Variants in SLC35D1 observed in about 807,000 individuals in gnomAD.
SLC35D1 encodes the protein solute carrier family 35 member D1, also known as nucleotide sugar transporter SLC35D1.
In SLC35D1, 31 loss-of-function variants were observed where a neutral mutation model predicts 46.7. The ratio of observed to expected loss-of-function variants is 0.66; its 90% confidence interval spans 0.50 to 0.90. The LOEUF (loss-of-function observed/expected upper bound fraction) is 0.90, where lower values mean the gene tolerates loss of function less well. Among genes scored for constraint, SLC35D1 ranks in the 40% least tolerant of loss-of-function variants. SLC35D1 has a pLI of 0.00. For missense variants in SLC35D1, 397 were observed against 426.2 expected, an observed-to-expected ratio of 0.93 and a Z score of 0.60; for synonymous variants, 195 against 164.6, an observed-to-expected ratio of 1.18 and a Z score of -1.41.
At chr1:67,027,082 C>G (rs185394299) in intron 8 of SLC35D1, among the ~76,000 whole-genome samples, 2 of 152,322 alleles carry the variant, frequency 1.3e-5, no homozygotes, top group East Asian at 3.9e-4. Context: ...TAGAGTTATT[C>G]ATACATTACC....
the SLC35D1 span, chr1:66,976,611 T>C: frequency 1.3e-6 from 2 of 1,597,784 alleles, no homozygotes; most frequent in South Asian, 1.1e-5. Context: ...ACAAGGTCAG[T>C]TGGTGAATGT....
At position 67,041,632 on chromosome 1, in the gene SLC35D1, C is replaced by T. The variant is rs1645183644; in HGVS notation, c.729+604G>A. On this transcript the variant is annotated intron_variant, in intron 8 of 11. Transcript: ENST00000235345. ...GTTATCAATTTGTCTCCTACACGGG[C>T]TTGTTTTAAAGAAAAATTCTTCTCC... is the stretch of plus-strand genomic sequence containing the variant. Among the ~76,000 whole-genome samples, 3 of 152,138 alleles carry T rather than the reference C, an allele frequency of 2.0e-5. No individual in the cohort carries two copies. In the South Asian group the frequency reaches 6.2e-4, roughly 32 times the overall value.
At chr1:67,021,718 G>GACACACACACAC (rs1491409653) in intron 8 of SLC35D1, 116 bp from the exon 9 acceptor site, 5 of 450,038 alleles carry the variant, frequency 1.1e-5, no homozygotes, top group African/African-American at 8.9e-5. Flanking sequence ...CACAGACACA[G>GACACACACACAC]ACACAGACAC....
intron 8 of SLC35D1, among the ~76,000 whole-genome samples, chr1:67,024,375 G>A (rs1270506482): frequency 2.6e-5 from 4 of 152,170 alleles, no homozygotes; most frequent in African/African-American, 9.7e-5. Context: ...GTAACCAAAA[G>A]TCAAAGATCT....
rs111491760 is a variant in SLC35D1, at chr1:67,030,738, A to G, written c.730-9136T>C. Among the ~76,000 whole-genome samples, 564 of 152,272 alleles carry G rather than the reference A, an allele frequency of 3.7e-3. 6 individuals carry two copies. The highest frequency in any genetic ancestry group is 0.012 in the African/African-American group (480 of 41,560). On this transcript the variant is annotated intron_variant, in intron 8 of 11. Transcript: ENST00000235345. ...TCGGTGTACAATTCTGACATCTATT[A>G]AGTCCCATGTGCCAGGCCCCAGGCA...
chr1:66,978,515 A>T, the SLC35D1 span, among the ~76,000 whole-genome samples: 1 of 152,140 alleles, frequency 6.6e-6, no homozygotes, highest in Non-Finnish European at 1.5e-5. Flanking sequence ...ATTTATAGTT[A>T]ATTTTTTTTC....
chr1:67,039,466 CAG>C (rs1482842186), intron 8 of SLC35D1, among the ~76,000 whole-genome samples: 1 of 149,758 alleles, frequency 6.7e-6, no homozygotes, highest in East Asian at 2.0e-4. Context: ...TATATTTTTC[CAG>C]ACTTTATTTA....
rs923579109 is a variant in SLC35D1, at chr1:67,002,526, G to A, written c.*1814C>T. 2 of 152,306 alleles carry A rather than the reference G, an allele frequency of 1.3e-5. No individual in the cohort carries two copies. The highest frequency in any genetic ancestry group is 4.8e-5 in the African/African-American group (2 of 41,444). The allele number at this position is 152,306 out of a possible 1,614,324, so 9.4% of individuals were successfully genotyped here. ...GGAGAGTAAGACCCATATGACACAA[G>A]ATACTATCCTTTACTCCCAGTGGAA... On this transcript the variant is annotated 3_prime_UTR_variant, in exon 12 of 12. Transcript: ENST00000235345.
intron 10 of SLC35D1, among the ~76,000 whole-genome samples, chr1:67,010,065 T>C (rs1405390675): frequency 6.6e-6 from 1 of 152,194 alleles, no homozygotes; most frequent in South Asian, 2.1e-4. Context: ...GCCATTATCC[T>C]AAGCAAACTA....
At chr1:67,048,713 C>T (rs1645276245) in intron 6 of SLC35D1, among the ~76,000 whole-genome samples, 1 of 152,106 alleles carries the variant, frequency 6.6e-6, no homozygotes, top group East Asian at 1.9e-4. Context: ...TATATGCATG[C>T]CCTGGGCTGA....
At chr1:66,976,656 G>T in the SLC35D1 span, 1 of 1,606,938 alleles carries the variant, frequency 6.2e-7, no homozygotes, top group Non-Finnish European at 8.5e-7. Context: ...AAATCTGAAC[G>T]TTATGATTTC....
At chr1:67,036,155 C>T (rs1668119161) in intron 8 of SLC35D1, among the ~76,000 whole-genome samples, 1 of 152,130 alleles carries the variant, frequency 6.6e-6, no homozygotes, top group Non-Finnish European at 1.5e-5. Flanking sequence ...GTGTATCCTG[C>T]AGCCACTGGA....
intron 11 of SLC35D1, among the ~76,000 whole-genome samples, chr1:67,006,661 C>A (rs918868329): frequency 2.8e-5 from 4 of 143,548 alleles, no homozygotes; most frequent in Non-Finnish European, 1.5e-5. Flanking sequence ...TAATTCCAGA[C>A]CCTATATTCC....
intron 8 of SLC35D1, among the ~76,000 whole-genome samples, chr1:67,034,920 A>G (rs1203353695): frequency 6.6e-6 from 1 of 152,160 alleles, no homozygotes; most frequent in Non-Finnish European, 1.5e-5. Context: ...ATCAATCGAA[A>G]TGATCATTTG....
intron 4 of SLC35D1, among the ~76,000 whole-genome samples, chr1:67,051,210 C>T (rs2755258): frequency 0.64 from 97,564 of 152,028 alleles, 31,592 homozygotes; most frequent in South Asian, 0.75. Flanking sequence ...GATATCATCT[C>T]GGTCATTCTG....
chr1:66,981,730 T>C, the SLC35D1 span: 1 of 1,477,156 alleles, frequency 6.8e-7, no homozygotes, highest in Non-Finnish European at 9.2e-7. Flanking sequence ...TCAACTAATT[T>C]TTAATTTTCA....
chr1:66,977,291 T>C, the SLC35D1 span, among the ~76,000 whole-genome samples: 1 of 151,928 alleles, frequency 6.6e-6, no homozygotes, highest in Non-Finnish European at 1.5e-5. Context: ...TGAATTTTTA[T>C]TAGAGACGGG....
At chr1:67,038,289 CTTCA>C (rs758021219) in intron 8 of SLC35D1, among the ~76,000 whole-genome samples, 1 of 152,152 alleles carries the variant, frequency 6.6e-6, no homozygotes, top group African/African-American at 2.4e-5. Flanking sequence ...CCTAAAATTT[CTTCA>C]TTATTTAGTC....
chr1:67,048,711 T>A (rs2102365402), intron 6 of SLC35D1, among the ~76,000 whole-genome samples: 1 of 152,354 alleles, frequency 6.6e-6, no homozygotes, highest in Non-Finnish European at 1.5e-5. Flanking sequence ...CATATATGCA[T>A]GCCCTGGGCT....
Sources: allele counts gnomAD v4.1 joint callset (sites outside exome capture counted in the v4.1 genomes callset), GRCh38; gene constraint gnomAD v4.1.1; transcripts MANE v1.5; gene names NCBI Gene and HGNC (gene_info 2026-07-23, HGNC 2026-07-21).